The following ARSB variants were observed in gnomAD, a reference collection of about 807,000 sequenced individuals.
The protein encoded by ARSB is arylsulfatase B.
In ARSB, 41 loss-of-function variants were observed where a neutral mutation model predicts 50.9. The ratio of observed to expected loss-of-function variants is 0.81; its 90% confidence interval spans 0.63 to 1.04. The LOEUF (loss-of-function observed/expected upper bound fraction) is 1.04, where lower values mean the gene tolerates loss of function less well. Among genes scored for constraint, ARSB ranks in the 50% least tolerant of loss-of-function variants. The pLI is 0.00. For missense variants in ARSB, 672 were observed against 693.3 expected (o/e 0.97, Z 0.35); for synonymous variants, 269 against 284.8 (o/e 0.94, Z 0.56).
chr5:78,782,100 C>T (rs1748943841), intron 6 of ARSB, 126 bp from the exon 7 acceptor site: 5 of 1,180,866 alleles, frequency 4.2e-6, no homozygotes, highest in Middle Eastern at 2.2e-4. Context: ...TGTATCTTGC[C>T]ACAGAAATGA....
intron 4 of ARSB, among the ~76,000 whole-genome samples, chr5:78,886,943 A>T (rs1289934753): frequency 6.6e-6 from 1 of 152,202 alleles, no homozygotes; most frequent in Non-Finnish European, 1.5e-5. Context: ...CTGCACTAGG[A>T]GTGACTCTGA....
At position 78,873,547 on chromosome 5, in the gene ARSB, G is replaced by C. The variant is rs377661718; in HGVS notation, c.1142+12037C>G. Among the ~76,000 whole-genome samples, 612 of 119,162 alleles carry C rather than the reference G, an allele frequency of 5.1e-3. 5 individuals carry two copies. The highest frequency in any genetic ancestry group is 0.018 in the African/African-American group (584 of 32,528). 78.2% of individuals were successfully genotyped at this position (119,162 alleles called of 152,430 possible). A position where few individuals can be genotyped will look rare whatever the true frequency, so the allele number is the denominator to read the frequency against. On this transcript the variant is annotated intron_variant, in intron 5 of 7. Coordinates refer to ENST00000264914, the MANE Select transcript of ARSB (RefSeq NM_000046.5). ...GTCTCGCTCTGTCGCCCAGGCTGGA[G>C]TGCAGTGGCGGGATCTCGGCTCACT...
intron 4 of ARSB, among the ~76,000 whole-genome samples, chr5:78,930,324 T>C (rs555025114): frequency 2.8e-4 from 43 of 152,330 alleles, no homozygotes; most frequent in African/African-American, 9.9e-4. Context: ...ACTTTTTTGG[T>C]AGCTTCCACG....
At chr5:78,845,481 T>C (rs918268835) in intron 5 of ARSB, among the ~76,000 whole-genome samples, 3 of 152,132 alleles carry the variant, frequency 2.0e-5, no homozygotes, top group African/African-American at 7.2e-5. Context: ...CTAGACTAAT[T>C]TGCATTCTCA....
chr5:78,816,075 GTTGGTGGTAGC>G, intron 6 of ARSB: 1 of 1,614,134 alleles, frequency 6.2e-7, no homozygotes, highest in Admixed American at 1.7e-5. Flanking sequence ...TCAGTAGAAA[GTTGGTGGTAGC>G]TACAACAGCA....
chr5:78,964,605 T>A lies in ARSB; in HGVS notation c.501A>T (p.Gly167=). ...AATAATCTTCACTACCCAGGAGATATCCTGCAAGAATGGAAGACGAAAATA... is the reference window on the plus strand; with the variant it reads ...AATAATCTTCACTACCCAGGAGATAACCTGCAAGAATGGAAGACGAAAATA... ...PTRRGFDTYF[G]YLLGSEDYYS... is the part of the protein sequence containing the mutation. The change falls in exon 3 of 8, where the codon GGA becomes GGT. Residue 167 remains glycine, a splice_region_variant and synonymous_variant. Coordinates refer to ENST00000264914, the MANE Select transcript of ARSB (RefSeq NM_000046.5). 6.2e-7 allele frequency: 1 copy of A among 1,613,162 alleles called. No homozygotes were observed. The highest frequency in any genetic ancestry group is 1.3e-5 in the African/African-American group (1 of 75,052).
Position 78,962,524 on chromosome 5 carries a change from A to ATT in ARSB, c.690+1890_690+1891dup, listed in dbSNP as rs10683109. Among the ~76,000 whole-genome samples, 317 of 106,188 alleles carry ATT rather than the reference A, an allele frequency of 3.0e-3. 2 individuals are homozygous for ATT. The highest frequency in any genetic ancestry group is 3.4e-3 in the Non-Finnish European group (191 of 56,432). 69.7% of individuals were successfully genotyped at this position (106,188 alleles called of 152,430 possible). A position where few individuals can be genotyped will look rare whatever the true frequency, so the allele number is the denominator to read the frequency against. On this transcript the variant is annotated intron_variant, in intron 3 of 7. Coordinates refer to ENST00000264914, the MANE Select transcript of ARSB (RefSeq NM_000046.5). Reference sequence around the variant, plus strand: ...GTGTTTTCACTTCTACATGTGCTCGATTTTTTTTTTTTTTTTTTTTTGAGA... The same window carrying ATT: ...GTGTTTTCACTTCTACATGTGCTCGATTTTTTTTTTTTTTTTTTTTTTTGAGA...
chr5:78,863,953 A>G (rs760682917), intron 5 of ARSB, among the ~76,000 whole-genome samples: 1 of 151,962 alleles, frequency 6.6e-6, no homozygotes, highest in Non-Finnish European at 1.5e-5. Context: ...GTGGCCATCT[A>G]AATTTAAAAT....
intron 5 of ARSB, among the ~76,000 whole-genome samples, chr5:78,850,999 T>C (rs1289935189): frequency 6.6e-6 from 1 of 152,218 alleles, no homozygotes; most frequent in Non-Finnish European, 1.5e-5. Flanking sequence ...GTTGATCTTT[T>C]CAAAAAACCA....
chr5:78,879,134 G>A (rs1161439062), intron 5 of ARSB, among the ~76,000 whole-genome samples: 4 of 152,346 alleles, frequency 2.6e-5, no homozygotes, highest in South Asian at 2.1e-4. Flanking sequence ...GATTATAGGC[G>A]TGAGCCACCA....
intron 5 of ARSB, chr5:78,885,347 G>T: frequency 1.7e-6 from 1 of 578,304 alleles, no homozygotes; most frequent in Non-Finnish European, 2.8e-6. Context: ...CTTCCATGGA[G>T]GGCGATGGGC....
intron 5 of ARSB, among the ~76,000 whole-genome samples, chr5:78,861,741 T>C (rs1040078927): frequency 3.9e-5 from 6 of 152,154 alleles, no homozygotes; most frequent in African/African-American, 1.4e-4. Context: ...CTATTCAATA[T>C]AATGTTGGAA....
chr5:78,971,663 T>C (rs543545886), intron 1 of ARSB, among the ~76,000 whole-genome samples: 1 of 152,342 alleles, frequency 6.6e-6, no homozygotes, highest in South Asian at 2.1e-4. Flanking sequence ...TCAATAACTT[T>C]AGTAAGTTAG....
intron 5 of ARSB, among the ~76,000 whole-genome samples, chr5:78,874,200 GAAATCTATTC>G (rs1367401043): frequency 2.0e-5 from 3 of 152,214 alleles, no homozygotes; most frequent in African/African-American, 7.2e-5. Context: ...AGAATCCTGA[GAAATCTATTC>G]AAGGATGAAT....
In ARSB at chr5:78,936,186, G is replaced by A. The variant is rs552233528; in HGVS notation, c.898+19109C>T. Among the ~76,000 whole-genome samples the A allele has an allele frequency of 2.1e-3, 292 of 139,700 alleles. 1 individual carries two copies. The highest frequency in any genetic ancestry group is 7.5e-3 in the African/African-American group (278 of 37,098). 91.6% of individuals were successfully genotyped at this position (139,700 alleles called of 152,430 possible). On this transcript the variant is annotated intron_variant, in intron 4 of 7. Transcript: ENST00000264914. ...ATTGCCCAGGCTGGAGTGCAGTGGC[G>A]CTATCTCAGCTCACTGCAACCTCCG...
At chr5:78,924,131 T>G (rs956986056) in intron 4 of ARSB, among the ~76,000 whole-genome samples, 2 of 152,174 alleles carry the variant, frequency 1.3e-5, no homozygotes, top group Admixed American at 6.5e-5. Context: ...GTGATGATGA[T>G]GAAGATAATA....
At chr5:78,781,283 C>T (rs976181384) in intron 7 of ARSB, among the ~76,000 whole-genome samples, 1 of 151,080 alleles carries the variant, frequency 6.6e-6, no homozygotes, top group Admixed American at 6.6e-5. Flanking sequence ...TCCTTTCACC[C>T]CTGCTACAGT....
chr5:78,898,348 G>T (rs1004666811), intron 4 of ARSB, among the ~76,000 whole-genome samples: 19 of 152,066 alleles, frequency 1.2e-4, no homozygotes, highest in African/African-American at 4.3e-4. Context: ...AAACATTTAA[G>T]AAAGGAATAA....
At chr5:78,976,873 T>C (rs759669255) in intron 1 of ARSB, among the ~76,000 whole-genome samples, 3 of 152,184 alleles carry the variant, frequency 2.0e-5, no homozygotes, top group Non-Finnish European at 4.4e-5. Flanking sequence ...CTCCCTCCTC[T>C]AGCTCTTGGC....
Sources: allele counts gnomAD v4.1 joint callset (sites outside exome capture counted in the v4.1 genomes callset), GRCh38; gene constraint gnomAD v4.1.1; transcripts MANE v1.5; gene names NCBI Gene and HGNC (gene_info 2026-07-23, HGNC 2026-07-21).